Variants in CPT1A observed in about 807,000 individuals in gnomAD.
CPT1A encodes the protein carnitine O-palmitoyltransferase 1, liver isoform.
CPT1A carries 64 observed loss-of-function variants against 100.8 expected under a neutral mutation model. The observed-to-expected ratio is 0.63, with a 90% CI of 0.52 to 0.78. The LOEUF is 0.78. CPT1A is among the 30% of genes least tolerant of loss of function. CPT1A has a pLI of 0.00. For missense variants in CPT1A, 802 were observed against 1,034.1 expected, an observed-to-expected ratio of 0.78 and a Z score of 3.08; for synonymous variants, 363 against 396.0, an observed-to-expected ratio of 0.92 and a Z score of 0.99.
At chr11:68,837,845 G>C (rs1171798580) in intron 1 of CPT1A, among the ~76,000 whole-genome samples, 1 of 152,218 alleles carries the variant, frequency 6.6e-6, no homozygotes, top group African/African-American at 2.4e-5. Context: ...AAAAAGAAAG[G>C]ATGTCTCAAA....
chr11:68,759,401 AAAAAAAATTTTTTTTT>A (rs1212583442), intron 18 of CPT1A, among the ~76,000 whole-genome samples, 152 bp downstream of exon 18: 1 of 152,192 alleles, frequency 6.6e-6, no homozygotes, highest in Non-Finnish European at 1.5e-5. Context: ...TCTCCAAAAA[AAAAAAAATTTTTTTTT>A]AAAAGCAGTC....
At chr11:68,825,977 A>T (rs1462623405) in intron 1 of CPT1A, among the ~76,000 whole-genome samples, 1 of 152,136 alleles carries the variant, frequency 6.6e-6, no homozygotes, top group East Asian at 1.9e-4. Context: ...CACTCCAGAC[A>T]CAGGGCAGAG....
intron 8 of CPT1A, among the ~76,000 whole-genome samples, chr11:68,794,015 A>C (rs1345397982): frequency 6.6e-6 from 1 of 152,236 alleles, no homozygotes; most frequent in Non-Finnish European, 1.5e-5. Flanking sequence ...CTTGTTTCTT[A>C]TGAGCAACTA....
At chr11:68,834,176 C>A (rs1261102205) in intron 1 of CPT1A, among the ~76,000 whole-genome samples, 1 of 152,188 alleles carries the variant, frequency 6.6e-6, no homozygotes, top group African/African-American at 2.4e-5. Flanking sequence ...GTGGCTCATG[C>A]CTATAATCCC....
intron 12 of CPT1A, among the ~76,000 whole-genome samples, chr11:68,779,672 T>G (rs1855250928): frequency 6.6e-6 from 1 of 151,570 alleles, no homozygotes; most frequent in African/African-American, 2.4e-5. Context: ...GGCACACACC[T>G]GTAGTCCCAG....
intron 6 of CPT1A, among the ~76,000 whole-genome samples, chr11:68,798,444 A>T (rs1855813777): frequency 6.6e-6 from 1 of 151,878 alleles, no homozygotes; most frequent in South Asian, 2.1e-4. Flanking sequence ...GTCGCTTTGG[A>T]CACCTTCTCT....
At chr11:68,838,748 TAG>T (rs1229275231) in intron 1 of CPT1A, among the ~76,000 whole-genome samples, 1 of 151,968 alleles carries the variant, frequency 6.6e-6, no homozygotes. Context: ...TAATTGTTTG[TAG>T]AGACAGGGGT....
At position 68,815,303 on chromosome 11, in the gene CPT1A, A is replaced by G. The variant is rs1451002088; in HGVS notation, c.141+31T>C. On this transcript the variant is annotated intron_variant, in intron 2 of 18. Transcript: ENST00000265641. The stretch of plus-strand genomic sequence containing the variant: ...CCCGTTCTTAGATATTAAAAGGCAT[A>G]CTGTGTAGATTTCAACAAATCTCAG... 1.9e-6 allele frequency: 3 copies of G among 1,611,154 alleles called. No individual in the cohort carries two copies. In the Admixed American group the frequency reaches 5.0e-5, roughly 27 times the overall value.
chr11:68,793,386 G>T lies in CPT1A; in HGVS notation c.896C>A (p.Ser299Tyr), dbSNP rs372454903. The T allele has an allele frequency of 6.2e-7, 1 of 1,610,816 alleles. No homozygotes were observed. The highest frequency in any genetic ancestry group is 2.2e-5 in the East Asian group (1 of 44,842). Residue 299 changes from serine (S) to tyrosine (Y), a missense_variant, in exon 9 of 19, where the codon TCC (serine) becomes TAC (tyrosine). By Grantham distance (144) the Ser-to-Tyr change is moderately radical. This residue lies in a region of CPT1A where 627 missense variants were observed against 799.3 expected (regional missense o/e 0.78). Transcript: ENST00000265641. ...EEIKPIRLLG[S>Y]TIPLCSAQWE... Reference sequence around the variant, plus strand: ...CTGAGCGGAGCAGAGTGGAATCGTGGATCCCAAAAGACGAATCTGTAACAA... The same window carrying T: ...CTGAGCGGAGCAGAGTGGAATCGTGTATCCCAAAAGACGAATCTGTAACAA...
chr11:68,760,901 A>G (rs966613396), intron 16 of CPT1A, among the ~76,000 whole-genome samples: 13 of 151,840 alleles, frequency 8.6e-5, no homozygotes, highest in South Asian at 4.2e-4. Flanking sequence ...TGTGCCTGTA[A>G]TCCCAGCTAC....
At chr11:68,767,302 T>C (rs1594321665) in intron 14 of CPT1A, among the ~76,000 whole-genome samples, 1 of 152,328 alleles carries the variant, frequency 6.6e-6, no homozygotes, top group Non-Finnish European at 1.5e-5. Context: ...TTCCGTATAA[T>C]ATGCCATAGA....
intron 5 of CPT1A, among the ~76,000 whole-genome samples, chr11:68,801,846 G>A (rs547995994): frequency 6.6e-6 from 1 of 152,266 alleles, no homozygotes; most frequent in African/African-American, 2.4e-5. Flanking sequence ...GTTCCTCAAT[G>A]AGTTACCACG....
At chr11:68,837,139 T>C (rs764524185) in intron 1 of CPT1A, among the ~76,000 whole-genome samples, 2 of 152,166 alleles carry the variant, frequency 1.3e-5, no homozygotes, top group African/African-American at 2.4e-5. Context: ...AACCTCCAAC[T>C]CCTGGGTTCA....
At chr11:68,772,856 G>A (rs1251171016) in intron 14 of CPT1A, among the ~76,000 whole-genome samples, 1 of 152,036 alleles carries the variant, frequency 6.6e-6, no homozygotes, top group Non-Finnish European at 1.5e-5. Context: ...ATGTTCACCT[G>A]ACCTGTGTGA....
At chr11:68,828,396 G>C (rs1856789857) in intron 1 of CPT1A, among the ~76,000 whole-genome samples, 1 of 73,454 alleles carries the variant, frequency 1.4e-5, no homozygotes, top group African/African-American at 3.1e-5. Context: ...GCCAGGCCTG[G>C]GTCAGGGCCC....
rs1855451609 is a variant in CPT1A, at chr11:68,785,930, C to T, written c.968-920G>A. On this transcript the variant is annotated intron_variant, in intron 9 of 18. Coordinates refer to ENST00000265641, the MANE Select transcript of CPT1A (RefSeq NM_001876.4). ...ATTTAAGCTCCTCAGTAAGCTTAAA[C>T]ATCACAGAAATGTGATGAAGTACGT... 3.2e-5 allele frequency: 22 copies of T among 684,060 alleles called. No homozygotes were observed. In the South Asian group the frequency reaches 3.4e-4, roughly 11 times the overall value. 42.4% of individuals were successfully genotyped at this position (684,060 alleles called of 1,614,324 possible). A position where few individuals can be genotyped will look rare whatever the true frequency, so the allele number is the denominator to read the frequency against.
At position 68,759,655 on chromosome 11, in the gene CPT1A, C is replaced by T. The variant is rs762300383; in HGVS notation, c.2149G>A (p.Asp717Asn). ...ATGTACGACACACCATAGCCGTCATCAGCAACCTGGAGGACAAGGGAATTT... is the reference window on the plus strand; with the variant it reads ...ATGTACGACACACCATAGCCGTCATTAGCAACCTGGAGGACAAGGGAATTT... ...SSGGGFGPVADDGYGVSYILV... is the reference protein window; with the variant it reads ...SSGGGFGPVANDGYGVSYILV... The change falls in exon 18 of 19, where the codon GAT (aspartate) becomes AAT (asparagine). Residue 717 changes from aspartate (D) to asparagine (N), a missense_variant. By Grantham distance (23) the Asp-to-Asn change is conservative. Coordinates refer to ENST00000265641, the MANE Select transcript of CPT1A (RefSeq NM_001876.4). 6.2e-7 allele frequency: 1 copy of T among 1,611,494 alleles called. No homozygotes were observed. Among genetic ancestry groups the T allele is most frequent in the South Asian group, 1.1e-5 (1 of 91,028 alleles).
At chr11:68,803,281 T>C (rs1225772420) in intron 5 of CPT1A, among the ~76,000 whole-genome samples, 1 of 152,236 alleles carries the variant, frequency 6.6e-6, no homozygotes, top group Non-Finnish European at 1.5e-5. Flanking sequence ...TATGATATGA[T>C]GCCACTTATA....
intron 14 of CPT1A, among the ~76,000 whole-genome samples, chr11:68,770,053 C>T (rs1854943752): frequency 2.2e-5 from 1 of 46,392 alleles, no homozygotes; most frequent in African/African-American, 6.0e-5. Context: ...GAGTAAGGCT[C>T]CGTCTCAAAA....
Sources: gnomAD v4.1 joint callset for allele counts (sites outside exome capture counted in the v4.1 genomes callset) on GRCh38, gnomAD v4.1.1 for gene constraint, gnomAD v4.1.1 regional missense constraint, MANE v1.5 for transcripts, NCBI Gene and HGNC (gene_info 2026-07-23, HGNC 2026-07-21) for gene names.